The following LAPTM4A variants were observed in gnomAD, a reference collection of about 807,000 sequenced individuals.
LAPTM4A encodes the protein lysosomal-associated transmembrane protein 4A.
A neutral mutation model predicts 29.9 loss-of-function variants in LAPTM4A; 19 were observed. That is an observed-to-expected ratio of 0.64 (90% CI 0.44 to 0.93). LAPTM4A has a LOEUF of 0.93. Ranked by LOEUF, LAPTM4A falls within the 40% of genes least tolerant of loss-of-function variation. The pLI is 0.00. For synonymous variants in LAPTM4A, 105 were observed against 102.1 expected, an observed-to-expected ratio of 1.03 and a Z score of -0.17; for missense variants, 293 against 288.5, an observed-to-expected ratio of 1.02 and a Z score of -0.11.
rs533198652 is a variant in LAPTM4A, at chr2:20,047,186, G to A, written c.111+4224C>T. Reference sequence around the variant, plus strand: ...AGGCAGATCATGAGGTCAGGAGATCGAGACAATCCCGGCCAACACGGTGAA... The same window carrying A: ...AGGCAGATCATGAGGTCAGGAGATCAAGACAATCCCGGCCAACACGGTGAA... On this transcript the variant is annotated intron_variant, in intron 1 of 6. Transcript: ENST00000175091. Among the ~76,000 whole-genome samples, 4 of 151,418 alleles carry A rather than the reference G, an allele frequency of 2.6e-5. No individual in the cohort carries two copies. In the East Asian group the frequency reaches 7.9e-4, roughly 30 times the overall value.
At chr2:20,046,754 AAATATATATATAATAT>A (rs1401259119) in intron 1 of LAPTM4A, among the ~76,000 whole-genome samples, 4 of 131,786 alleles carry the variant, frequency 3.0e-5, no homozygotes, top group African/African-American at 5.2e-5. Flanking sequence ...TATATTATAT[AAATATATATATAATAT>A]AATATATAAA....
chr2:20,050,038 A>G (rs1443839949), intron 1 of LAPTM4A, among the ~76,000 whole-genome samples: 1 of 152,218 alleles, frequency 6.6e-6, no homozygotes, highest in Non-Finnish European at 1.5e-5. Context: ...AGAACGAAAG[A>G]GTCTCTGAGG....
At chr2:20,048,641 T>C (rs1673990516) in intron 1 of LAPTM4A, among the ~76,000 whole-genome samples, 1 of 152,228 alleles carries the variant, frequency 6.6e-6, no homozygotes, top group African/African-American at 2.4e-5. Context: ...GGAATCATCA[T>C]CTCAGAAGTC....
chr2:20,041,063 C>T, intron 1 of LAPTM4A, 52 bp from the exon 2 acceptor site: 1 of 1,581,592 alleles, frequency 6.3e-7, no homozygotes. Flanking sequence ...ACGACGCAAT[C>T]TTAGCACAAT....
At chr2:20,042,259 C>T (rs569013184) in intron 1 of LAPTM4A, among the ~76,000 whole-genome samples, 2 of 152,310 alleles carry the variant, frequency 1.3e-5, no homozygotes, top group East Asian at 3.9e-4. Context: ...GCCACCGCAC[C>T]CAGCCTGCAT....
rs1572394984 is a variant in LAPTM4A, at chr2:20,032,877, T to C, written c.*328A>G. ...GTAGCAAGTAACAAAATGCAAACGATTATATAAAGAAAGTGCAGTTAAAAA... is the reference window on the plus strand; with the variant it reads ...GTAGCAAGTAACAAAATGCAAACGACTATATAAAGAAAGTGCAGTTAAAAA... On this transcript the variant is annotated 3_prime_UTR_variant, in exon 7 of 7. Coordinates refer to ENST00000175091, the MANE Select transcript of LAPTM4A (RefSeq NM_014713.5). 3.6e-6 allele frequency: 1 copy of C among 274,626 alleles called. No individual in the cohort carries two copies. The highest frequency in any genetic ancestry group is 6.9e-6 in the Non-Finnish European group (1 of 143,932). 17.0% of individuals were successfully genotyped at this position (274,626 alleles called of 1,614,324 possible).
intron 1 of LAPTM4A, among the ~76,000 whole-genome samples, chr2:20,047,245 C>T (rs112923071): frequency 1.2e-3 from 173 of 148,698 alleles, no homozygotes; most frequent in African/African-American, 3.9e-3. Context: ...AAAATTAGCC[C>T]GACATGGTGG....
At chr2:20,046,755 A>AAT (rs911902187) in intron 1 of LAPTM4A, among the ~76,000 whole-genome samples, 31 of 132,980 alleles carry the variant, frequency 2.3e-4, no homozygotes, top group Non-Finnish European at 3.8e-4. Flanking sequence ...ATATTATATA[A>AAT]ATATATATAT....
At position 20,033,169 on chromosome 2, in the gene LAPTM4A, G is replaced by A. The variant is rs752178481; in HGVS notation, c.*36C>T. ...ATTCTGTAACATAAACAAACAAAAA[G>A]CTGGTATAGGATTTATTGTCAAAGG... is the stretch of plus-strand genomic sequence containing the variant. On this transcript the variant is annotated 3_prime_UTR_variant, in exon 7 of 7. Transcript: ENST00000175091. 2 of 1,526,168 alleles carry A rather than the reference G, an allele frequency of 1.3e-6. No individual in the cohort carries two copies. The highest frequency in any genetic ancestry group is 3.3e-5 in the Admixed American group (2 of 59,846). The allele number at this position is 1,526,168 out of a possible 1,614,324, so 94.5% of individuals were successfully genotyped here.
chr2:20,045,698 CT>C, intron 1 of LAPTM4A, among the ~76,000 whole-genome samples: 1 of 152,230 alleles, frequency 6.6e-6, no homozygotes, highest in South Asian at 2.1e-4. Flanking sequence ...TACAAAATAA[CT>C]GTATCAGATC....
chr2:20,037,963 T>C (rs3754903), intron 2 of LAPTM4A, among the ~76,000 whole-genome samples: 10,727 of 152,158 alleles, frequency 0.07, 871 homozygotes, highest in African/African-American at 0.2. Flanking sequence ...TAATCCAATG[T>C]GTCAAGTGCT....
intron 1 of LAPTM4A, among the ~76,000 whole-genome samples, chr2:20,046,872 T>C (rs1411252847): frequency 2.7e-5 from 4 of 148,486 alleles, no homozygotes; most frequent in Non-Finnish European, 6.0e-5. Context: ...GCAATCCACC[T>C]GCCTTGGCCT....
At position 20,034,318 on chromosome 2, in the gene LAPTM4A, TGAG is replaced by T. The variant is rs1572395592; in HGVS notation, c.623_625del (p.Pro208del). On this transcript the variant is annotated inframe_deletion and splice_region_variant, in exon 6 of 7. Coordinates refer to ENST00000175091, the MANE Select transcript of LAPTM4A (RefSeq NM_014713.5). ...TTACTCTATCCAACAGTAGCTAACC[TGAG>T]GAGGTGCTTCAAAGGCAGGGTACAC... The T allele has an allele frequency of 1.2e-6, 2 of 1,607,610 alleles. No individual in the cohort carries two copies. The highest frequency in any genetic ancestry group is 1.7e-6 in the Non-Finnish European group (2 of 1,174,008).
chr2:20,034,266 G>T, intron 6 of LAPTM4A, 51 bp downstream of exon 6: 1 of 1,212,692 alleles, frequency 8.2e-7, no homozygotes, highest in South Asian at 1.2e-5. Flanking sequence ...TCTTCTCCTG[G>T]AACAGTCAAT....
At chr2:20,034,184 G>A (rs1446601795) in intron 6 of LAPTM4A, 133 bp downstream of exon 6, 1 of 704,786 alleles carries the variant, frequency 1.4e-6, no homozygotes, top group African/African-American at 1.8e-5. Context: ...ATTTTAAGCT[G>A]TTCATAAAAG....
At chr2:20,037,083 C>A (rs1673692751) in intron 4 of LAPTM4A, among the ~76,000 whole-genome samples, 1 of 152,148 alleles carries the variant, frequency 6.6e-6, no homozygotes, top group African/African-American at 2.4e-5. Flanking sequence ...TCCATAATAT[C>A]CATTTCTAGG....
intron 1 of LAPTM4A, among the ~76,000 whole-genome samples, chr2:20,042,943 A>G (rs1395609742): frequency 3.3e-5 from 5 of 152,180 alleles, no homozygotes; most frequent in Non-Finnish European, 7.3e-5. Context: ...TAGTATTTTA[A>G]TTTATTTAGT....
Position 20,033,195 on chromosome 2 carries a change from C to A in LAPTM4A, c.*10G>T. 1.9e-6 allele frequency: 3 copies of A among 1,611,204 alleles called. No individual in the cohort carries two copies. Among genetic ancestry groups the A allele is most frequent in the Non-Finnish European group, 2.5e-6 (3 of 1,177,378 alleles). On this transcript the variant is annotated 3_prime_UTR_variant, in exon 7 of 7. Transcript: ENST00000175091. ...CTGGTATAGGATTTATTGTCAAAGG[C>A]AGAATTTCTTCAGGCAGGTAAGTAA...
At chr2:20,034,021 G>A (rs1279482883) in intron 6 of LAPTM4A, among the ~76,000 whole-genome samples, 1 of 152,164 alleles carries the variant, frequency 6.6e-6, no homozygotes, top group Non-Finnish European at 1.5e-5. Flanking sequence ...AGAAGCCCCA[G>A]GCTACATGGG....
Sources: gnomAD v4.1 joint callset for allele counts (sites outside exome capture counted in the v4.1 genomes callset) on GRCh38, gnomAD v4.1.1 for gene constraint, MANE v1.5 for transcripts, NCBI Gene and HGNC (gene_info 2026-07-23, HGNC 2026-07-21) for gene names.